MOB4: variants seen among roughly 807,000 people sequenced by gnomAD.
MOB4 encodes MOB-like protein phocein.
Under a neutral mutation model 32.2 loss-of-function variants are expected in MOB4, and 4 were observed. The observed-to-expected ratio is 0.12, with a 90% confidence interval of 0.06 to 0.28. The LOEUF (loss-of-function observed/expected upper bound fraction) is 0.28, where lower values mean the gene tolerates loss of function less well. MOB4 is among the 10% of genes least tolerant of loss of function. The pLI is 1.00. For missense variants in MOB4, 158 were observed against 271.2 expected (o/e 0.58, Z 2.93); for synonymous variants, 88 against 88.1 (o/e 1.00, Z 0.01).
rs2087104417 is a variant in MOB4 at position 197,551,883 on chromosome 2, A to C, written c.*1237A>C. 1 of 152,350 alleles carries C rather than the reference A, an allele frequency of 6.6e-6. No individual in the cohort carries two copies. Among genetic ancestry groups the C allele is most frequent in the African/African-American group, 2.4e-5 (1 of 41,464 alleles). The allele number at this position is 152,350 out of a possible 1,614,324, so 9.4% of individuals were successfully genotyped here. ...TAAAGCACTGGAGGTCTTATTGCCA[A>C]ACTGATTGTAATGAGGCAGTAAGGG... On this transcript the variant is annotated 3_prime_UTR_variant, in exon 8 of 8. Transcript: ENST00000323303.
chr2:197,550,460 G>A, intron 7 of MOB4, 55 bp from the exon 8 acceptor site: 1 of 1,582,604 alleles, frequency 6.3e-7, no homozygotes, highest in South Asian at 1.2e-5. Flanking sequence ...GTTATTTCTA[G>A]TCTTTTAGTT....
At chr2:197,518,163 T>C (rs1441991737) in intron 1 of MOB4, among the ~76,000 whole-genome samples, 1 of 151,798 alleles carries the variant, frequency 6.6e-6, no homozygotes, top group Non-Finnish European at 1.5e-5. Context: ...CAAAAAACTA[T>C]AGGAGAGTAG....
At chr2:197,526,531 C>T (rs771489290) in intron 2 of MOB4, among the ~76,000 whole-genome samples, 7 of 152,132 alleles carry the variant, frequency 4.6e-5, no homozygotes, top group South Asian at 2.1e-4. Context: ...TTGGCCAGGC[C>T]GGTCTTGAAC....
chr2:197,535,066 T>A (rs934172043), intron 2 of MOB4, among the ~76,000 whole-genome samples: 2 of 151,996 alleles, frequency 1.3e-5, no homozygotes, highest in African/African-American at 2.4e-5. Flanking sequence ...CTACAAAATA[T>A]GGAAAAGTTA....
intron 5 of MOB4, among the ~76,000 whole-genome samples, chr2:197,542,389 A>G (rs907579854): frequency 2.0e-5 from 3 of 152,240 alleles, no homozygotes; most frequent in Non-Finnish European, 4.4e-5. Context: ...CAAAAGAACA[A>G]TTTGAAAGGA....
intron 3 of MOB4, among the ~76,000 whole-genome samples, chr2:197,536,909 T>C (rs573553807): frequency 1.6e-4 from 24 of 152,132 alleles, no homozygotes; most frequent in East Asian, 1.9e-4. Flanking sequence ...CTTTTTTTTT[T>C]CCTTTGTTTC....
At chr2:197,540,480 C>A in intron 5 of MOB4, 43 bp downstream of exon 5, 2 of 1,502,516 alleles carry the variant, frequency 1.3e-6, no homozygotes, top group Non-Finnish European at 1.8e-6. Context: ...ATTATTATAG[C>A]CTAAATCTCT....
chr2:197,533,745 A>T, intron 2 of MOB4: 2 of 347,440 alleles, frequency 5.8e-6, no homozygotes, highest in South Asian at 5.2e-5. Context: ...AAAAAAAAAA[A>T]AGTATTTGAT....
At chr2:197,531,790 G>A (rs1297613123) in intron 2 of MOB4, among the ~76,000 whole-genome samples, 3 of 151,296 alleles carry the variant, frequency 2.0e-5, no homozygotes, top group East Asian at 2.0e-4. Context: ...TGATCCACCT[G>A]CCTCGGCCTC....
At chr2:197,521,685 C>A (rs2086522126) in intron 1 of MOB4, among the ~76,000 whole-genome samples, 2 of 152,162 alleles carry the variant, frequency 1.3e-5, no homozygotes, top group South Asian at 4.1e-4. Context: ...ATGTTCCTTG[C>A]TGAGAAAAAG....
At chr2:197,535,664 C>A in intron 3 of MOB4, 34 bp downstream of exon 3, 1 of 1,575,912 alleles carries the variant, frequency 6.3e-7, no homozygotes, top group South Asian at 1.2e-5. Flanking sequence ...AATAGTACCT[C>A]TCACAAAACT....
intron 3 of MOB4, among the ~76,000 whole-genome samples, chr2:197,538,976 T>C (rs2106126761): frequency 6.6e-6 from 1 of 152,360 alleles, no homozygotes; most frequent in Admixed American, 6.5e-5. Flanking sequence ...TGTTTTCCTC[T>C]GTTACAATGT....
intron 3 of MOB4, among the ~76,000 whole-genome samples, chr2:197,537,723 G>A (rs2086826191): frequency 6.6e-6 from 1 of 152,172 alleles, no homozygotes; most frequent in African/African-American, 2.4e-5. Flanking sequence ...GAGCACTTTA[G>A]TGTAGTACAT....
intron 5 of MOB4, among the ~76,000 whole-genome samples, chr2:197,542,127 G>A (rs1279041618): frequency 6.6e-6 from 1 of 152,186 alleles, no homozygotes; most frequent in Non-Finnish European, 1.5e-5. Context: ...TCTTTCTTTA[G>A]AGTGGAAGTG....
chr2:197,522,650 G>A (rs972888436), intron 1 of MOB4, among the ~76,000 whole-genome samples: 3 of 151,848 alleles, frequency 2.0e-5, no homozygotes, highest in South Asian at 4.1e-4. Flanking sequence ...CTTTTTAATG[G>A]TGCCCATATT....
chr2:197,516,120 C>T lies in MOB4; in HGVS notation c.34C>T (p.Arg12Trp). ...VMAEGTAVLR[R>W]NRPGTKAQDF... ...GGCGGAGGGGACGGCAGTGCTGAGG[C>T]GGAACAGGCCGGGCACCAAGGCGCA... is the stretch of plus-strand genomic sequence containing the variant. Residue 12 changes from arginine (R) to tryptophan (W), a missense_variant, in exon 1 of 8, where the codon CGG becomes TGG. This residue lies in a region of MOB4 where 41 missense variants were observed against 26.4 expected (regional missense o/e 1.55). Coordinates refer to ENST00000323303, the MANE Select transcript of MOB4 (RefSeq NM_015387.5). 1 of 1,604,178 alleles carries T rather than the reference C, an allele frequency of 6.2e-7. No individual in the cohort carries two copies. Among genetic ancestry groups the T allele is most frequent in the Non-Finnish European group, 8.5e-7 (1 of 1,176,480 alleles).
intron 5 of MOB4, among the ~76,000 whole-genome samples, chr2:197,544,947 A>T (rs1369623683): frequency 6.6e-6 from 1 of 152,212 alleles, no homozygotes; most frequent in Admixed American, 6.5e-5. Context: ...AACATTGATG[A>T]TGGGATTGTA....
At chr2:197,533,325 T>C (rs1279836402) in intron 2 of MOB4, among the ~76,000 whole-genome samples, 2 of 152,102 alleles carry the variant, frequency 1.3e-5, no homozygotes, top group African/African-American at 4.8e-5. Context: ...AGGTATACAA[T>C]TTAGCTGTAT....
At chr2:197,547,187 G>GAGGAGA (rs1361003912) in intron 5 of MOB4, among the ~76,000 whole-genome samples, 4 of 152,192 alleles carry the variant, frequency 2.6e-5, no homozygotes, top group Admixed American at 2.0e-4. Flanking sequence ...TGAGTAGGCT[G>GAGGAGA]AGGAGAAAGA....
Sources: gnomAD v4.1 joint callset for allele counts (sites outside exome capture counted in the v4.1 genomes callset) on GRCh38, gnomAD v4.1.1 for gene constraint, gnomAD v4.1.1 regional missense constraint, MANE v1.5 for transcripts, NCBI Gene and HGNC (gene_info 2026-07-23, HGNC 2026-07-21) for gene names.